Variants in PAIP2 observed in about 807,000 individuals in gnomAD.
PAIP2 encodes poly(A) binding protein interacting protein 2.
PAIP2 carries 7 observed loss-of-function variants against 14.8 expected under a neutral mutation model. The ratio of observed to expected loss-of-function variants is 0.47; its 90% CI spans 0.27 to 0.89. PAIP2 has a LOEUF of 0.89. Ranked by LOEUF, PAIP2 falls within the 40% of genes least tolerant of loss-of-function variation. PAIP2 has a pLI of 0.13. For synonymous variants in PAIP2, 47 were observed against 45.3 expected, an observed-to-expected ratio of 1.04 and a Z score of -0.15; for missense variants, 122 against 154.7, an observed-to-expected ratio of 0.79 and a Z score of 1.12.
chr5:139,348,861 A>G (rs1756638735), intron 1 of PAIP2, among the ~76,000 whole-genome samples: 1 of 151,404 alleles, frequency 6.6e-6, no homozygotes, highest in African/African-American at 2.4e-5. Flanking sequence ...TATTTTTAGT[A>G]GAGACGGTTT....
At chr5:139,345,123 G>T (rs1230248226) in intron 1 of PAIP2, among the ~76,000 whole-genome samples, 1 of 152,006 alleles carries the variant, frequency 6.6e-6, no homozygotes, top group East Asian at 1.9e-4. Context: ...TCGGCTCACT[G>T]CACGCTCCAC....
chr5:139,343,560 T>C (rs1256237866), intron 1 of PAIP2, among the ~76,000 whole-genome samples: 1 of 152,210 alleles, frequency 6.6e-6, no homozygotes, highest in African/African-American at 2.4e-5. Flanking sequence ...CACAGCAATT[T>C]GGTTGATACT....
chr5:139,359,285 C>T (rs917678553), intron 1 of PAIP2, among the ~76,000 whole-genome samples: 1 of 152,034 alleles, frequency 6.6e-6, no homozygotes, highest in Non-Finnish European at 1.5e-5. Context: ...TACAGGTGTG[C>T]GCCATCACAC....
At position 139,368,716 on chromosome 5, in the gene PAIP2, A is replaced by G; in HGVS notation, c.319-17A>G. The G allele has an allele frequency of 1.3e-6, 2 of 1,596,606 alleles. No homozygotes were observed. Among genetic ancestry groups the G allele is most frequent in the Non-Finnish European group, 1.7e-6 (2 of 1,165,282 alleles). On this transcript the variant is annotated splice_polypyrimidine_tract_variant and intron_variant, in intron 3 of 3. Coordinates refer to ENST00000265192, the MANE Select transcript of PAIP2 (RefSeq NM_016480.5). ...ACTGTGTTAATGAACTTGCTTTTTT[A>G]TGTACTTATTTTCCAGGTCAAGAGC...
rs558402316 is a variant in PAIP2 at position 139,356,166 on chromosome 5, G to A, written c.-26-7593G>A. ...AACGATACGTTAAATAAATAAAGTC[G>A]GCTGGGCACGGTGGCTCACGCCTGT... On this transcript the variant is annotated intron_variant, in intron 1 of 3. Coordinates refer to ENST00000265192, the MANE Select transcript of PAIP2 (RefSeq NM_016480.5). Among the ~76,000 whole-genome samples, 4 of 150,772 alleles carry A rather than the reference G, an allele frequency of 2.7e-5. No individual in the cohort carries two copies. In the East Asian group the frequency reaches 5.9e-4, roughly 22 times the overall value.
At chr5:139,358,998 G>A (rs1284877039) in intron 1 of PAIP2, among the ~76,000 whole-genome samples, 5 of 152,116 alleles carry the variant, frequency 3.3e-5, no homozygotes, top group Non-Finnish European at 5.9e-5. Context: ...TTTTTGAGAC[G>A]AGGTCTTGCT....
intron 1 of PAIP2, among the ~76,000 whole-genome samples, chr5:139,355,908 T>C (rs1467217682): frequency 6.8e-6 from 1 of 146,224 alleles, no homozygotes; most frequent in Non-Finnish European, 1.5e-5. Flanking sequence ...CCTAGCACTT[T>C]GGGAGGCACC....
In PAIP2 at chr5:139,361,935, CA is replaced by C. The variant is rs34168919; in HGVS notation, c.-26-1804del. On this transcript the variant is annotated intron_variant, in intron 1 of 3. Coordinates refer to ENST00000265192, the MANE Select transcript of PAIP2 (RefSeq NM_016480.5). Reference sequence around the variant, plus strand: ...CACTCGTCTGGGTGAGACCCTGTCTCAAAAAAAAAAAAAAAAAAAAGATGCC... The same window carrying C: ...CACTCGTCTGGGTGAGACCCTGTCTCAAAAAAAAAAAAAAAAAAAGATGCC... Among the ~76,000 whole-genome samples the C allele has an allele frequency of 8.4e-3, 839 of 99,988 alleles. 6 individuals are homozygous for C. The highest frequency in any genetic ancestry group is 0.018 in the African/African-American group (445 of 24,110). The allele number at this position is 99,988 out of a possible 152,430, so 65.6% of individuals were successfully genotyped here.
At chr5:139,357,934 G>T (rs925596741) in intron 1 of PAIP2, among the ~76,000 whole-genome samples, 1 of 152,136 alleles carries the variant, frequency 6.6e-6, no homozygotes, top group African/African-American at 2.4e-5. Context: ...ATGGCACTAG[G>T]GTAGTTTAAA....
intron 1 of PAIP2, among the ~76,000 whole-genome samples, chr5:139,353,031 G>T (rs560239710): frequency 6.7e-4 from 102 of 151,370 alleles, no homozygotes; most frequent in Non-Finnish European, 1.4e-3. Context: ...CAGGACAATC[G>T]TTTGAACCCA....
chr5:139,365,753 AGCT>A (rs1295975159), intron 3 of PAIP2, among the ~76,000 whole-genome samples: 1 of 152,008 alleles, frequency 6.6e-6, no homozygotes, highest in Non-Finnish European at 1.5e-5. Context: ...AACACTGTAG[AGCT>A]AGTCTTAGAC....
intron 1 of PAIP2, among the ~76,000 whole-genome samples, chr5:139,353,649 C>T (rs184066611): frequency 1.4e-3 from 215 of 151,894 alleles, no homozygotes; most frequent in African/African-American, 5.1e-3. Flanking sequence ...TAATTTGTTA[C>T]TACAAAATAC....
intron 1 of PAIP2, among the ~76,000 whole-genome samples, chr5:139,362,627 C>T (rs1188795979): frequency 6.6e-6 from 1 of 151,830 alleles, no homozygotes. Flanking sequence ...TCAGGCTGGT[C>T]TTGAACTCTC....
intron 1 of PAIP2, among the ~76,000 whole-genome samples, chr5:139,359,277 C>T (rs546165437): frequency 4.1e-4 from 62 of 152,228 alleles, no homozygotes; most frequent in Non-Finnish European, 7.8e-4. Flanking sequence ...GCTGGCATTA[C>T]AGGTGTGCGC....
At chr5:139,355,089 G>A (rs1481090963) in intron 1 of PAIP2, among the ~76,000 whole-genome samples, 1 of 151,246 alleles carries the variant, frequency 6.6e-6, no homozygotes, top group Non-Finnish European at 1.5e-5. Flanking sequence ...AAGTCCCAAA[G>A]TGCTGGGATT....
chr5:139,363,062 G>A (rs1430918164), intron 1 of PAIP2, among the ~76,000 whole-genome samples: 12 of 151,900 alleles, frequency 7.9e-5, no homozygotes, highest in African/African-American at 2.9e-4. Context: ...CCAACGTGGC[G>A]AAACTCCATC....
At chr5:139,364,146 G>A (rs1367223267) in intron 2 of PAIP2, 2 of 522,140 alleles carry the variant, frequency 3.8e-6, no homozygotes. Flanking sequence ...TCTGAATCAG[G>A]AGGATGAGGG....
At chr5:139,346,245 TTTTA>T (rs1386268808) in intron 1 of PAIP2, among the ~76,000 whole-genome samples, 1 of 152,170 alleles carries the variant, frequency 6.6e-6, no homozygotes, top group Non-Finnish European at 1.5e-5. Context: ...ATTTTTAAAT[TTTTA>T]TTTATTTTTT....
chr5:139,361,671 G>A lies in PAIP2; in HGVS notation c.-26-2088G>A, dbSNP rs189787484. On this transcript the variant is annotated intron_variant, in intron 1 of 3. Coordinates refer to ENST00000265192, the MANE Select transcript of PAIP2 (RefSeq NM_016480.5). ...CAGGTGAAAAGATACTGGGCTGGGC[G>A]CGATGGCTCATGCATGTAATCCCAG... Among the ~76,000 whole-genome samples the A allele has an allele frequency of 4.6e-5, 7 of 152,178 alleles. 1 individual carries two copies. The highest frequency in any genetic ancestry group is 9.6e-5 in the African/African-American group (4 of 41,508).
Sources: allele counts gnomAD v4.1 joint callset (sites outside exome capture counted in the v4.1 genomes callset), GRCh38; gene constraint gnomAD v4.1.1; transcripts MANE v1.5; gene names NCBI Gene and HGNC (gene_info 2026-07-23, HGNC 2026-07-21).